Variants in FSTL5 observed in about 807,000 individuals in gnomAD.
FSTL5 encodes the protein follistatin-related protein 5.
A neutral mutation model predicts 89.1 loss-of-function variants in FSTL5; 62 were observed. The observed-to-expected ratio is 0.70, with a 90% CI of 0.57 to 0.86. The LOEUF is 0.86. FSTL5 is among the 40% of genes least tolerant of loss of function. The pLI is 0.00. For missense variants in FSTL5, 1,057 were observed against 1,001.6 expected (o/e 1.06, Z -0.75); for synonymous variants, 383 against 346.2 (o/e 1.11, Z -1.18).
chr4:161,810,577 A>C (rs1730107198), intron 4 of FSTL5, among the ~76,000 whole-genome samples: 1 of 152,278 alleles, frequency 6.6e-6, no homozygotes, highest in Non-Finnish European at 1.5e-5. Context: ...TTCATTTCCT[A>C]CAAAGCTAGG....
At chr4:162,014,422 G>T (rs1736857520) in intron 3 of FSTL5, among the ~76,000 whole-genome samples, 1 of 152,080 alleles carries the variant, frequency 6.6e-6, no homozygotes, top group African/African-American at 2.4e-5. Context: ...TTGCATTCAG[G>T]GCTAAAAGGG....
intron 3 of FSTL5, among the ~76,000 whole-genome samples, chr4:162,033,258 A>T (rs1737606244): frequency 6.6e-6 from 1 of 152,166 alleles, no homozygotes; most frequent in Non-Finnish European, 1.5e-5. Context: ...GTGACTAAAT[A>T]GTTGGGTCTC....
At chr4:161,728,215 G>T (rs1232855282) in intron 6 of FSTL5, among the ~76,000 whole-genome samples, 3 of 152,138 alleles carry the variant, frequency 2.0e-5, no homozygotes, top group African/African-American at 7.2e-5. Flanking sequence ...TGGGTTAGCA[G>T]CTTAAAGAAC....
At chr4:161,540,061 C>T (rs1028770390) in intron 9 of FSTL5, among the ~76,000 whole-genome samples, 4 of 152,082 alleles carry the variant, frequency 2.6e-5, no homozygotes, top group Non-Finnish European at 4.4e-5. Flanking sequence ...TCCTTCTCTT[C>T]CTATGTAATC....
At chr4:162,116,662 T>C (rs1369221765) in intron 1 of FSTL5, among the ~76,000 whole-genome samples, 1 of 152,184 alleles carries the variant, frequency 6.6e-6, no homozygotes, top group Non-Finnish European at 1.5e-5. Flanking sequence ...TGTAGTCTTT[T>C]GGTGGTCTGC....
chr4:161,948,104 C>T lies in FSTL5; in HGVS notation c.161-27452G>A, dbSNP rs1734784807. The stretch of plus-strand genomic sequence containing the variant: ...CCAGCCTGGACAACATAGCAAGACC[C>T]TGTCTCTACAGAAAATTTAAAAAAA... On this transcript the variant is annotated intron_variant, in intron 3 of 15. Transcript: ENST00000306100. Among the ~76,000 whole-genome samples the T allele has an allele frequency of 2.6e-5, 4 of 151,142 alleles. No homozygotes were observed. In the Admixed American group the frequency reaches 2.7e-4, roughly 10 times the overall value.
At chr4:161,677,537 G>T (rs1579013974) in intron 6 of FSTL5, among the ~76,000 whole-genome samples, 1 of 151,800 alleles carries the variant, frequency 6.6e-6, no homozygotes, top group African/African-American at 2.4e-5. Flanking sequence ...CTTCATGATC[G>T]TATTAGTAGT....
At chr4:161,867,673 A>G (rs1411470534) in intron 4 of FSTL5, among the ~76,000 whole-genome samples, 5 of 151,624 alleles carry the variant, frequency 3.3e-5, no homozygotes, top group African/African-American at 7.2e-5. Context: ...CATCTAAGAG[A>G]GGCATTAGAT....
intron 2 of FSTL5, among the ~76,000 whole-genome samples, chr4:162,098,730 A>G (rs1272104631): frequency 6.6e-6 from 1 of 152,102 alleles, no homozygotes; most frequent in Non-Finnish European, 1.5e-5. Context: ...ATAGACAAAC[A>G]TATCAATAGA....
rs148327944 is a variant in FSTL5 at position 161,703,839 on chromosome 4, T to C, written c.728-47345A>G. 5.5e-3 allele frequency among the ~76,000 whole-genome samples: 843 copies of C among 152,294 alleles called. 5 individuals are homozygous for C. The highest frequency in any genetic ancestry group is 0.019 in the African/African-American group (807 of 41,572). On this transcript the variant is annotated intron_variant, in intron 6 of 15. Coordinates refer to ENST00000306100, the MANE Select transcript of FSTL5 (RefSeq NM_020116.5). ...ATAATCTAGCTCTACCTTTATTCCATTTATATTTCATCTTTTTCTTTGAAC... is the reference window on the plus strand; with the variant it reads ...ATAATCTAGCTCTACCTTTATTCCACTTATATTTCATCTTTTTCTTTGAAC...
chr4:161,629,853 A>G (rs1039361185), intron 7 of FSTL5, among the ~76,000 whole-genome samples: 38 of 152,324 alleles, frequency 2.5e-4, no homozygotes, highest in African/African-American at 9.1e-4. Flanking sequence ...GGCAGGTCTC[A>G]GAGGGGAAAG....
intron 8 of FSTL5, among the ~76,000 whole-genome samples, chr4:161,578,175 A>G (rs1733298165): frequency 6.6e-6 from 1 of 151,910 alleles, no homozygotes; most frequent in East Asian, 1.9e-4. Context: ...CATGATAAAA[A>G]TTGCAAGCAG....
intron 6 of FSTL5, among the ~76,000 whole-genome samples, chr4:161,740,010 ATTTAT>A (rs1208750514): frequency 6.6e-5 from 10 of 151,156 alleles, no homozygotes; most frequent in Non-Finnish European, 1.2e-4. Context: ...TTATTTATTT[ATTTAT>A]TTATTTATTT....
At chr4:162,118,405 G>C (rs1334044212) in intron 1 of FSTL5, among the ~76,000 whole-genome samples, 4 of 152,044 alleles carry the variant, frequency 2.6e-5, no homozygotes, top group Non-Finnish European at 5.9e-5. Context: ...GGACTACAGG[G>C]CCCCGCCACC....
chr4:161,741,681 A>T (rs1740031910), intron 6 of FSTL5, among the ~76,000 whole-genome samples: 2 of 104,672 alleles, frequency 1.9e-5, no homozygotes, highest in East Asian at 2.9e-4. Flanking sequence ...GAGAAGTATG[A>T]TTTTTTTTTT....
At chr4:161,578,123 G>C (rs1414006777) in intron 8 of FSTL5, among the ~76,000 whole-genome samples, 1 of 151,922 alleles carries the variant, frequency 6.6e-6, no homozygotes, top group Non-Finnish European at 1.5e-5. Flanking sequence ...TGACTCATGA[G>C]AGAAAAATGT....
At chr4:161,629,961 C>T (rs1735448327) in intron 7 of FSTL5, among the ~76,000 whole-genome samples, 1 of 152,202 alleles carries the variant, frequency 6.6e-6, no homozygotes. Flanking sequence ...CGGCCATTCT[C>T]TTATGCATAT....
intron 2 of FSTL5, among the ~76,000 whole-genome samples, chr4:162,076,191 T>C (rs1295451836): frequency 6.6e-6 from 1 of 151,890 alleles, no homozygotes; most frequent in Non-Finnish European, 1.5e-5. Flanking sequence ...ACAACTGAAC[T>C]ACCAGTTCAG....
rs555396027 is a variant in FSTL5, at chr4:161,693,727, A to G, written c.728-37233T>C. Among the ~76,000 whole-genome samples, 896 of 137,984 alleles carry G rather than the reference A, an allele frequency of 6.5e-3. 13 individuals are homozygous for G. Among genetic ancestry groups the G allele is most frequent in the South Asian group, 0.049 (218 of 4,488 alleles). 90.5% of individuals were successfully genotyped at this position (137,984 alleles called of 152,430 possible). A position where few individuals can be genotyped will look rare whatever the true frequency, so the allele number is the denominator to read the frequency against. On this transcript the variant is annotated intron_variant, in intron 6 of 15. Transcript: ENST00000306100. ...GATCTCAGCTCACTGCAAGCTCTGCATCCCGGGTTCACGCCATTCTCCTGC... is the reference window on the plus strand; with the variant it reads ...GATCTCAGCTCACTGCAAGCTCTGCGTCCCGGGTTCACGCCATTCTCCTGC...
Sources: gnomAD v4.1 joint callset for allele counts (sites outside exome capture counted in the v4.1 genomes callset) on GRCh38, gnomAD v4.1.1 for gene constraint, MANE v1.5 for transcripts, NCBI Gene and HGNC (gene_info 2026-07-23, HGNC 2026-07-21) for gene names.